The following CARD10 variants were observed in gnomAD, a reference collection of about 807,000 sequenced individuals.
CARD10 encodes caspase recruitment domain-containing protein 10.
A neutral mutation model predicts 114.6 loss-of-function variants in CARD10; 49 were observed. That is an observed-to-expected ratio of 0.43 (90% CI 0.34 to 0.54). The LOEUF is 0.54. Among genes scored for constraint, CARD10 ranks in the 20% least tolerant of loss-of-function variants. The probability of loss-of-function intolerance (pLI) is 0.03; values close to 1 mark genes in which losing one functional copy is unlikely to be tolerated. For missense variants in CARD10, 1,206 were observed against 1,397.2 expected (o/e 0.86, Z 2.18); for synonymous variants, 602 against 593.2 (o/e 1.01, Z -0.21).
Position 37,492,939 on chromosome 22 carries a change from A to C in CARD10, c.2477-137T>G. On this transcript the variant is annotated intron_variant, in intron 16 of 19. Coordinates refer to ENST00000251973, the MANE Select transcript of CARD10 (RefSeq NM_014550.4). The surrounding 1 kb of genome is among the most constrained non-coding windows in gnomAD (Gnocchi z 5.7). The stretch of plus-strand genomic sequence containing the variant: ...GCTCCTCCTACACATGCACACACAC[A>C]CACCCTTAGTAGGACCGACGGTGGC... 2.3e-6 allele frequency: 2 copies of C among 865,742 alleles called. No individual in the cohort carries two copies. Among genetic ancestry groups the C allele is most frequent in the African/African-American group, 1.7e-5 (1 of 59,426 alleles). 53.6% of individuals were successfully genotyped at this position (865,742 alleles called of 1,614,324 possible).
rs1440664421 is a variant in CARD10, at chr22:37,516,098, A to G, written c.574T>C (p.Trp192Arg). 6.3e-7 allele frequency: 1 copy of G among 1,595,958 alleles called. No homozygotes were observed. Among genetic ancestry groups the G allele is most frequent in the Non-Finnish European group, 8.5e-7 (1 of 1,171,806 alleles). Residue 192 changes from tryptophan (W) to arginine (R), a missense_variant, in exon 3 of 20, where the codon TGG becomes CGG. Trp to Arg is a moderately radical substitution (Grantham distance 101). Coordinates refer to ENST00000251973, the MANE Select transcript of CARD10 (RefSeq NM_014550.4). ...QERCQRLRED[W>R]EAGSLELLRL... ...AGCAGCTCCAGGCTGCCCGCCTCCC[A>G]GTCCTCCCGCAGCCGTTGACAGCGC...
At chr22:37,514,359 A>C (rs1162976289) in intron 3 of CARD10, among the ~76,000 whole-genome samples, 1 of 152,120 alleles carries the variant, frequency 6.6e-6, no homozygotes, top group Non-Finnish European at 1.5e-5. Flanking sequence ...CACAGAAAGG[A>C]AAGCCTTCCC....
intron 9 of CARD10, chr22:37,503,905 C>T (rs1047698261): frequency 3.5e-6 from 2 of 576,754 alleles, no homozygotes; most frequent in Non-Finnish European, 6.6e-6. Flanking sequence ...CAAGCTTCTC[C>T]TTGGGTATAG....
intron 14 of CARD10, 49 bp downstream of exon 14, chr22:37,495,711 G>A (rs143203081): frequency 1.9e-6 from 3 of 1,611,740 alleles, no homozygotes; most frequent in Admixed American, 1.7e-5. Flanking sequence ...CCCCATCTGA[G>A]CCCTGGCTCC....
rs995163643 is a variant in CARD10, at chr22:37,492,959, G to T, written c.2477-157C>A. 6.6e-6 allele frequency among the ~76,000 whole-genome samples: 1 copy of T among 152,006 alleles called. No homozygotes were observed. The highest frequency in any genetic ancestry group is 1.5e-5 in the Non-Finnish European group (1 of 67,978). ...CACACACACCCTTAGTAGGACCGAC[G>T]GTGGCAGTAGGCTCCTCCCTGATTC... On this transcript the variant is annotated intron_variant, in intron 16 of 19. Coordinates refer to ENST00000251973, the MANE Select transcript of CARD10 (RefSeq NM_014550.4). This position sits in a 1 kb window ranked among gnomAD's most constrained non-coding sequence, Gnocchi z 5.7.
Position 37,504,649 on chromosome 22 carries a change from C to T in CARD10, c.1504G>A (p.Glu502Lys). The T allele has an allele frequency of 6.6e-7, 1 of 1,509,842 alleles. No individual in the cohort carries two copies. The highest frequency in any genetic ancestry group is 8.8e-7 in the Non-Finnish European group (1 of 1,131,820). 93.5% of individuals were successfully genotyped at this position (1,509,842 alleles called of 1,614,324 possible). Residue 502 changes from glutamate (E) to lysine (K), a missense_variant, in exon 8 of 20, where the codon GAG (glutamate) becomes AAG (lysine). This residue lies in a region of CARD10 where 1,068 missense variants were observed against 1,179.1 expected (regional missense o/e 0.91). Coordinates refer to ENST00000251973, the MANE Select transcript of CARD10 (RefSeq NM_014550.4). ...AGTTGTCTTACCGAGTTGTGAGGCTCAGGTCCCCCCATGACAGCTGCCTCC... is the reference window on the plus strand; with the variant it reads ...AGTTGTCTTACCGAGTTGTGAGGCTTAGGTCCCCCCATGACAGCTGCCTCC... ...TGEAAVMGGP[E>K]PHNSEEATDS...
chr22:37,491,624 GA>G (rs1922795377), intron 19 of CARD10, 130 bp downstream of exon 19: 4 of 506,644 alleles, frequency 7.9e-6, no homozygotes, highest in Non-Finnish European at 1.4e-5. Flanking sequence ...GGGAGGGAGA[GA>G]GGGGGAAGGA....
At chr22:37,502,367 T>C (rs1455197441) in intron 11 of CARD10, among the ~76,000 whole-genome samples, 2 of 152,086 alleles carry the variant, frequency 1.3e-5, no homozygotes. Context: ...AGGGTCATCA[T>C]CTCCCTTTAG....
intron 4 of CARD10, 24 bp downstream of exon 4, chr22:37,510,188 G>A: frequency 2.5e-6 from 4 of 1,594,572 alleles, no homozygotes; most frequent in Non-Finnish European, 3.4e-6. Flanking sequence ...CCCAGCCTGT[G>A]CCCACAAGCC....
Position 37,504,247 on chromosome 22 carries a change from G to A in CARD10, c.1573C>T (p.Pro525Ser). ...CGGAGGATGGAGCCGGCACTGGGGG[G>A]GAAGGGCAGGATGGAGAGCCGATTG... is the stretch of plus-strand genomic sequence containing the variant. ...EINRLSILPF[P>S]PSAGSILRRQ... The change falls in exon 9 of 20, where the codon CCC becomes TCC. Residue 525 changes from proline (P) to serine (S), a missense_variant. Transcript: ENST00000251973. 2 of 1,580,804 alleles carry A rather than the reference G, an allele frequency of 1.3e-6. No homozygotes were observed. The highest frequency in any genetic ancestry group is 1.7e-6 in the Non-Finnish European group (2 of 1,162,750).
intron 10 of CARD10, 24 bp from the exon 11 acceptor site, chr22:37,502,749 G>C: frequency 1.2e-6 from 2 of 1,608,978 alleles, no homozygotes; most frequent in Non-Finnish European, 1.7e-6. Flanking sequence ...ATGAGGTTCA[G>C]GGATCTGGCA....
chr22:37,498,411 C>T (rs1923085682), intron 11 of CARD10, among the ~76,000 whole-genome samples: 1 of 152,230 alleles, frequency 6.6e-6, no homozygotes, highest in Admixed American at 6.5e-5. Flanking sequence ...AAGTCCCCTG[C>T]CAGACACCTT....
At chr22:37,512,710 A>G (rs1483870718) in intron 3 of CARD10, among the ~76,000 whole-genome samples, 2 of 152,088 alleles carry the variant, frequency 1.3e-5, no homozygotes, top group Admixed American at 1.3e-4. Flanking sequence ...AACCGCAGCC[A>G]CACACCAGGG....
In CARD10 at chr22:37,494,143, G is replaced by T; in HGVS notation, c.2419C>A (p.Pro807Thr). The change falls in exon 16 of 20, where the codon CCC becomes ACC. Residue 807 changes from proline (P) to threonine (T), a missense_variant. By Grantham distance (38) the Pro-to-Thr change is conservative. This residue lies in a region of CARD10 where 1,068 missense variants were observed against 1,179.1 expected (regional missense o/e 0.91). Coordinates refer to ENST00000251973, the MANE Select transcript of CARD10 (RefSeq NM_014550.4). Reference sequence around the variant, plus strand: ...GAGTCCCCTGCAGGCGCCCCCACGGGCTTGGGCCTCACCAGCCGCAGCTGG... The same window carrying T: ...GAGTCCCCTGCAGGCGCCCCCACGGTCTTGGGCCTCACCAGCCGCAGCTGG... ...LDQLRLVRPK[P>T]VGAPAGDSPD... The T allele has an allele frequency of 6.4e-7, 1 of 1,559,022 alleles. No homozygotes were observed. The highest frequency in any genetic ancestry group is 8.7e-7 in the Non-Finnish European group (1 of 1,151,878).
rs777658023 is a variant in CARD10 at position 37,518,974 on chromosome 22, T to C, written c.227A>G (p.Asn76Ser). Residue 76 changes from asparagine (N) to serine (S), a missense_variant, in exon 1 of 20, where the codon AAC (asparagine) becomes AGC (serine). This residue lies in a region of CARD10 where 138 missense variants were observed against 218.0 expected (regional missense o/e 0.63). Coordinates refer to ENST00000251973, the MANE Select transcript of CARD10 (RefSeq NM_014550.4). ...LSTYRFPCRV[N>S]RTGRLMDILR... ...CGGGACCCGCGGCTCACCGGTGCGG[T>C]TGACGCGGCACGGGAAGCGGTAGGT... The C allele has an allele frequency of 6.5e-7, 1 of 1,539,944 alleles. No homozygotes were observed. The highest frequency in any genetic ancestry group is 8.7e-7 in the Non-Finnish European group (1 of 1,145,790).
chr22:37,493,151 G>C (rs1432179266), intron 16 of CARD10, among the ~76,000 whole-genome samples: 3 of 152,156 alleles, frequency 2.0e-5, no homozygotes, highest in Non-Finnish European at 4.4e-5. Flanking sequence ...AGTCCTGCCT[G>C]AGAGCCTGGG....
At position 37,495,571 on chromosome 22, in the gene CARD10, T is replaced by C; in HGVS notation, c.2319A>G (p.Leu773=). The change falls in exon 15 of 20, where the codon CTA becomes CTG. Residue 773 remains leucine, a synonymous_variant. Transcript: ENST00000251973. ...VPNYQRAQQL[L]EVQEKCLPSS... ...AGGGCAGGCATTTCTCCTGAACTTC[T>C]AGGAGCTGCTGGGCTCTGTGGGAGG... 1 of 1,613,618 alleles carries C rather than the reference T, an allele frequency of 6.2e-7. No individual in the cohort carries two copies.
Position 37,492,880 on chromosome 22 carries a change from C to A in CARD10, c.2477-78G>T. On this transcript the variant is annotated intron_variant, in intron 16 of 19. Coordinates refer to ENST00000251973, the MANE Select transcript of CARD10 (RefSeq NM_014550.4). This position sits in a 1 kb window ranked among gnomAD's most constrained non-coding sequence, Gnocchi z 5.7. ...CAGCTCGTCGATACCCCAAAACCCA[C>A]CCCGCCACCCATCCCTTCCTAAGTC... The A allele has an allele frequency of 6.9e-7, 1 of 1,451,514 alleles. No homozygotes were observed. The highest frequency in any genetic ancestry group is 2.0e-5 in the Admixed American group (1 of 50,808). 89.9% of individuals were successfully genotyped at this position (1,451,514 alleles called of 1,614,324 possible). A position where few individuals can be genotyped will look rare whatever the true frequency, so the allele number is the denominator to read the frequency against.
At position 37,519,410 on chromosome 22, in the gene CARD10, G is replaced by A. The variant is rs578192181; in HGVS notation, c.-210C>T. On this transcript the variant is annotated 5_prime_UTR_variant, in exon 1 of 20. Transcript: ENST00000251973. This position sits in a 1 kb window ranked among gnomAD's most constrained non-coding sequence, Gnocchi z 4.1. Reference sequence around the variant, plus strand: ...GGCGGCGGCTCCGCCGGCGCAGGGGGGCGGTGCCCGTGGCGCCCCCGGCTC... The same window carrying A: ...GGCGGCGGCTCCGCCGGCGCAGGGGAGCGGTGCCCGTGGCGCCCCCGGCTC... 1 of 1,178,012 alleles carries A rather than the reference G, an allele frequency of 8.5e-7. No individual in the cohort carries two copies. Among genetic ancestry groups the A allele is most frequent in the Admixed American group, 4.6e-5 (1 of 21,800 alleles). 73.0% of individuals were successfully genotyped at this position (1,178,012 alleles called of 1,614,324 possible).
Sources: gnomAD v4.1 joint callset for allele counts (sites outside exome capture counted in the v4.1 genomes callset) on GRCh38, gnomAD v4.1.1 for gene constraint, gnomAD v4.1.1 regional missense constraint, Gnocchi (gnomAD v3.1) non-coding constraint, MANE v1.5 for transcripts, NCBI Gene and HGNC (gene_info 2026-07-23, HGNC 2026-07-21) for gene names.